Variants in ANK3 observed in about 807,000 individuals in gnomAD.
The protein encoded by ANK3 is ankyrin-3.
ANK3 carries 57 observed loss-of-function variants against 370.9 expected under a neutral mutation model. That is an observed-to-expected ratio of 0.15 (90% CI 0.12 to 0.19). The LOEUF (loss-of-function observed/expected upper bound fraction) is 0.19. ANK3 is among the 10% of genes least tolerant of loss of function. The pLI is 1.00. For missense variants in ANK3, 4,439 were observed against 5,302.1 expected (o/e 0.84, Z 5.06); for synonymous variants, 1,929 against 1,946.3 (o/e 0.99, Z 0.23).
At chr10:60,614,552 T>C (rs535408013) in intron 2 of ANK3, among the ~76,000 whole-genome samples, 1 of 152,236 alleles carries the variant, frequency 6.6e-6, no homozygotes, top group African/African-American at 2.4e-5. Context: ...TGGTGATGAC[T>C]CCAGGAAGAT....
chr10:60,269,930 G>A (rs868187684), intron 5 of ANK3, among the ~76,000 whole-genome samples: 10 of 152,112 alleles, frequency 6.6e-5, no homozygotes, highest in African/African-American at 2.2e-4. Context: ...GGGCATTTAA[G>A]AGTAGAAAGA....
Position 60,422,603 on chromosome 10 carries a change from G to A in ANK3, c.97-142964C>T, listed in dbSNP as rs528414327. Among the ~76,000 whole-genome samples, 16 of 152,164 alleles carry A rather than the reference G, an allele frequency of 1.1e-4. No individual in the cohort carries two copies. The South Asian group carries it at 3.1e-3, about 30-fold the overall frequency. On this transcript the variant is annotated intron_variant, in intron 2 of 43. Coordinates refer to the ANK3 transcript ENST00000373827. ...TTCATTTCTAGGTAATAAAGCTTCAGCAATCATTTACTTTAATAATGCCTT... is the reference window on the plus strand; with the variant it reads ...TTCATTTCTAGGTAATAAAGCTTCAACAATCATTTACTTTAATAATGCCTT...
chr10:60,300,956 C>G (rs2132799979), intron 1 of ANK3, among the ~76,000 whole-genome samples: 1 of 151,992 alleles, frequency 6.6e-6, no homozygotes, highest in South Asian at 2.1e-4. Context: ...CATGCACACT[C>G]TGAGGGCATA....
intron 1 of ANK3, among the ~76,000 whole-genome samples, chr10:60,351,700 G>C (rs1406433717): frequency 6.6e-6 from 1 of 152,142 alleles, no homozygotes; most frequent in East Asian, 1.9e-4. Flanking sequence ...TTCAGACTCT[G>C]AAACAATCAA....
chr10:60,584,998 A>G (rs1372093287), intron 2 of ANK3, among the ~76,000 whole-genome samples: 1 of 152,186 alleles, frequency 6.6e-6, no homozygotes. Context: ...CCTAAAACGA[A>G]GGGGCATTGG....
intron 2 of ANK3, among the ~76,000 whole-genome samples, chr10:60,499,063 C>T (rs1054428105): frequency 5.9e-5 from 9 of 152,136 alleles, no homozygotes; most frequent in African/African-American, 2.2e-4. Flanking sequence ...TTGTTATAGT[C>T]AAAGTACCCA....
At chr10:60,141,089 C>G (rs1035016400) in intron 23 of ANK3, 2 of 933,634 alleles carry the variant, frequency 2.1e-6, no homozygotes, top group East Asian at 2.3e-4. Context: ...GAGGGAGGGC[C>G]TGCCCTTGAG....
chr10:60,057,117 C>T (rs546686338), intron 41 of ANK3, among the ~76,000 whole-genome samples: 1 of 152,282 alleles, frequency 6.6e-6, no homozygotes, highest in Non-Finnish European at 1.5e-5. Context: ...CCTGCCGTTA[C>T]TTTTCCAACT....
chr10:60,361,778 G>A (rs552980341), intron 1 of ANK3, among the ~76,000 whole-genome samples: 14 of 152,212 alleles, frequency 9.2e-5, no homozygotes, highest in Admixed American at 4.6e-4. Flanking sequence ...GAGAAAGGTC[G>A]TTAATCCAGT....
rs79111834 is a variant in ANK3 at position 60,137,621 on chromosome 10, T to G, written c.2738+1343A>C. ...AGTAAAAAAAATGAGTTACATATAA[T>G]AGCAACAAATAATAGTGCAATCAAA... is the stretch of plus-strand genomic sequence containing the variant. On this transcript the variant is annotated intron_variant, in intron 24 of 43. Coordinates refer to ENST00000280772, the MANE Select transcript of ANK3 (RefSeq NM_020987.5). 3.3e-5 allele frequency among the ~76,000 whole-genome samples: 5 copies of G among 152,100 alleles called. No individual in the cohort carries two copies. The East Asian group carries it at 9.6e-4, about 29-fold the overall frequency.
chr10:60,560,030 A>C (rs1275567855), intron 2 of ANK3, among the ~76,000 whole-genome samples: 1 of 152,048 alleles, frequency 6.6e-6, no homozygotes, highest in East Asian at 1.9e-4. Flanking sequence ...GTGACAGAGA[A>C]TCTGTCATTC....
intron 25 of ANK3, among the ~76,000 whole-genome samples, chr10:60,126,907 A>G (rs2093792014): frequency 6.6e-6 from 1 of 152,202 alleles, no homozygotes; most frequent in Non-Finnish European, 1.5e-5. Context: ...TACCACCAAT[A>G]GCAACCACAT....
intron 1 of ANK3, among the ~76,000 whole-genome samples, chr10:60,311,092 G>A (rs1012159906): frequency 6.6e-6 from 1 of 152,178 alleles, no homozygotes; most frequent in Non-Finnish European, 1.5e-5. Context: ...AGACTTAGTG[G>A]AGAAAAACCA....
intron 1 of ANK3, among the ~76,000 whole-genome samples, chr10:60,688,719 C>T (rs542840845): frequency 5.3e-5 from 8 of 152,200 alleles, no homozygotes; most frequent in Middle Eastern, 3.4e-3. Context: ...GAGGCCGAGG[C>T]GGGCGGATCA....
At position 60,141,091 on chromosome 10, in the gene ANK3, G is replaced by A. The variant is rs561711193; in HGVS notation, c.2615-2004C>T. ...GGGGAAAAAGAGAGAGGGAGGGCCT[G>A]CCCTTGAGTTGAGGTTGTGAAACTG... On this transcript the variant is annotated intron_variant, in intron 23 of 43. Coordinates refer to ENST00000280772, the MANE Select transcript of ANK3 (RefSeq NM_020987.5). The A allele has an allele frequency of 8.7e-6, 8 of 918,664 alleles. No individual in the cohort carries two copies. In the East Asian group the frequency reaches 4.7e-4, roughly 54 times the overall value. 56.9% of individuals were successfully genotyped at this position (918,664 alleles called of 1,614,324 possible).
chr10:60,695,009 C>A (rs1318195601), intron 1 of ANK3, among the ~76,000 whole-genome samples: 2 of 146,244 alleles, frequency 1.4e-5, no homozygotes, highest in Non-Finnish European at 3.0e-5. Context: ...ACCCATCTCA[C>A]GTGCAGAGAC....
At chr10:60,321,366 A>C (rs1212626100) in intron 1 of ANK3, among the ~76,000 whole-genome samples, 1 of 141,852 alleles carries the variant, frequency 7.0e-6, no homozygotes, top group Non-Finnish European at 1.5e-5. Context: ...CAAAAAAAAC[A>C]AAAGGAAAAG....
chr10:60,414,820 T>C (rs2063627995), intron 2 of ANK3, among the ~76,000 whole-genome samples: 1 of 152,184 alleles, frequency 6.6e-6, no homozygotes, highest in Non-Finnish European at 1.5e-5. Flanking sequence ...TGAGCAGCAT[T>C]TGCCAAAGCA....
At chr10:60,173,412 T>C (rs527411266) in intron 18 of ANK3, among the ~76,000 whole-genome samples, 147 of 152,370 alleles carry the variant, frequency 9.6e-4, no homozygotes, top group Non-Finnish European at 1.8e-3. Context: ...CAAAGTGCTT[T>C]ATTTTTTATC....
Sources: gnomAD v4.1 joint callset for allele counts (sites outside exome capture counted in the v4.1 genomes callset) on GRCh38, gnomAD v4.1.1 for gene constraint, MANE v1.5 for transcripts, NCBI Gene and HGNC (gene_info 2026-07-23, HGNC 2026-07-21) for gene names.